The following GLO1 variants were observed in gnomAD, a reference collection of about 807,000 sequenced individuals.
GLO1 encodes glyoxalase I, also known as lactoylglutathione lyase.
GLO1 carries 28 observed loss-of-function variants against 26.0 expected under a neutral mutation model. That is an observed-to-expected ratio of 1.08 (90% CI 0.80 to 1.48). The LOEUF is 1.48. Among genes scored for constraint, GLO1 ranks in the 40% most tolerant of loss-of-function variants. The pLI is 0.00. For synonymous variants in GLO1, 78 were observed against 77.6 expected, an observed-to-expected ratio of 1.00 and a Z score of -0.03; for missense variants, 225 against 224.8, an observed-to-expected ratio of 1.00 and a Z score of -0.01.
At chr6:38,685,706 A>G (rs1294898283) in intron 2 of GLO1, among the ~76,000 whole-genome samples, 4 of 152,218 alleles carry the variant, frequency 2.6e-5, no homozygotes, top group African/African-American at 9.6e-5. Flanking sequence ...TGCACCTACT[A>G]AAGCAGACTA....
At chr6:38,686,170 C>T (rs1761457696) in intron 2 of GLO1, among the ~76,000 whole-genome samples, 1 of 152,118 alleles carries the variant, frequency 6.6e-6, no homozygotes, top group Non-Finnish European at 1.5e-5. Flanking sequence ...GAAGCTATTA[C>T]TTTTCATTTT....
At chr6:38,677,442 T>G (rs553001593) in intron 5 of GLO1, 59 bp from the exon 6 acceptor site, 165 of 806,408 alleles carry the variant, frequency 2.0e-4, no homozygotes, top group Middle Eastern at 7.7e-4. Flanking sequence ...CATAAAAATG[T>G]TTTTCTTTCT....
At chr6:38,690,813 A>G (rs1761518899) in intron 1 of GLO1, among the ~76,000 whole-genome samples, 1 of 152,236 alleles carries the variant, frequency 6.6e-6, no homozygotes, top group Non-Finnish European at 1.5e-5. Flanking sequence ...TGTTAAATGG[A>G]TATAAAAACA....
At chr6:38,693,133 C>T (rs1761555146) in intron 1 of GLO1, among the ~76,000 whole-genome samples, 1 of 152,066 alleles carries the variant, frequency 6.6e-6, no homozygotes, top group Non-Finnish European at 1.5e-5. Flanking sequence ...TGGCAGAATT[C>T]TCCAGTGAAA....
At chr6:38,685,791 A>T (rs1262152241) in intron 2 of GLO1, among the ~76,000 whole-genome samples, 1 of 152,218 alleles carries the variant, frequency 6.6e-6, no homozygotes, top group Non-Finnish European at 1.5e-5. Context: ...CAGCTGTTCA[A>T]ATCTTCCAGC....
chr6:38,693,706 T>TATATATA (rs57910685), intron 1 of GLO1, among the ~76,000 whole-genome samples: 2 of 147,518 alleles, frequency 1.4e-5, no homozygotes, highest in East Asian at 2.0e-4. Flanking sequence ...TATATATATA[T>TATATATA]TTGTTTTGTT....
intron 1 of GLO1, among the ~76,000 whole-genome samples, chr6:38,699,870 C>T (rs934160682): frequency 2.0e-5 from 3 of 152,090 alleles, no homozygotes; most frequent in Non-Finnish European, 4.4e-5. Flanking sequence ...CTGCTTTTGC[C>T]CTTTGCCTTG....
chr6:38,679,352 CAATG>C (rs1164273728), intron 5 of GLO1, among the ~76,000 whole-genome samples: 2 of 151,930 alleles, frequency 1.3e-5, no homozygotes, highest in African/African-American at 4.8e-5. Flanking sequence ...GGCTGGAATG[CAATG>C]GCACAATCAT....
Position 38,677,369 on chromosome 6 carries a change from G to A in GLO1, c.481C>T (p.Leu161=), listed in dbSNP as rs762483812. 16 of 1,510,376 alleles carry A rather than the reference G, an allele frequency of 1.1e-5. No homozygotes were observed. In the South Asian group the frequency reaches 1.8e-4, roughly 17 times the overall value. 93.6% of individuals were successfully genotyped at this position (1,510,376 alleles called of 1,614,324 possible). ...CCATCAGGATCTTGAATAAATGCCA[G>A]GCCTTTCATTTTACCTGTAAAATGA... ...KKPDDGKMKG[L]AFIQDPDGYW... is the part of the protein sequence containing the mutation. The change falls in exon 6 of 6, where the codon CTG becomes TTG. Residue 161 remains leucine (L), a synonymous_variant. Coordinates refer to ENST00000373365, the MANE Select transcript of GLO1 (RefSeq NM_006708.3).
chr6:38,685,273 G>A (rs979293228), intron 2 of GLO1, among the ~76,000 whole-genome samples: 1 of 152,150 alleles, frequency 6.6e-6, no homozygotes. Context: ...GAACAAAGAA[G>A]ACTTACGCTT....
intron 5 of GLO1, among the ~76,000 whole-genome samples, chr6:38,681,351 C>A (rs959113516): frequency 6.6e-6 from 1 of 152,140 alleles, no homozygotes; most frequent in Non-Finnish European, 1.5e-5. Context: ...TGTGAGCCAC[C>A]ACGCCCAGCA....
intron 1 of GLO1, among the ~76,000 whole-genome samples, chr6:38,691,555 C>T (rs989004852): frequency 3.3e-5 from 5 of 152,124 alleles, no homozygotes; most frequent in Admixed American, 3.3e-4. Context: ...GGTCCACCCG[C>T]CTTGACCTCC....
chr6:38,686,788 TTC>T, intron 2 of GLO1, 102 bp downstream of exon 2: 1 of 662,038 alleles, frequency 1.5e-6, no homozygotes, highest in Non-Finnish European at 2.6e-6. Flanking sequence ...CCAAAAGAAC[TTC>T]TGTTACTTCT....
In GLO1 at chr6:38,677,066, A is replaced by G. The variant is rs201683245; in HGVS notation, c.*229T>C. The G allele has an allele frequency of 7.9e-5, 40 of 506,292 alleles. No homozygotes were observed. In the East Asian group the frequency reaches 1.4e-3, roughly 17 times the overall value. The allele number at this position is 506,292 out of a possible 1,614,324, so 31.4% of individuals were successfully genotyped here. On this transcript the variant is annotated 3_prime_UTR_variant, in exon 6 of 6. Coordinates refer to ENST00000373365, the MANE Select transcript of GLO1 (RefSeq NM_006708.3). ...AACTGTTCTAATTATTACCTAAAAA[A>G]TAAAGTTACACAACTATATTCAAGG...
chr6:38,677,370 G>C lies in GLO1; in HGVS notation c.480C>G (p.Gly160=). ...CATCAGGATCTTGAATAAATGCCAG[G>C]CCTTTCATTTTACCTGTAAAATGAA... ...VKKPDDGKMK[G]LAFIQDPDGY... The change falls in exon 6 of 6, where the codon GGC becomes GGG. Residue 160 remains glycine, a synonymous_variant. Transcript: ENST00000373365. The C allele has an allele frequency of 6.7e-7, 1 of 1,503,352 alleles. No individual in the cohort carries two copies. The highest frequency in any genetic ancestry group is 9.3e-7 in the Non-Finnish European group (1 of 1,080,748). 93.1% of individuals were successfully genotyped at this position (1,503,352 alleles called of 1,614,324 possible).
At chr6:38,683,058 A>G (rs1345883098) in intron 3 of GLO1, 183 bp from the exon 4 acceptor site, 1 of 565,406 alleles carries the variant, frequency 1.8e-6, no homozygotes, top group Non-Finnish European at 3.2e-6. Context: ...GATTTTAACG[A>G]GACTAAAGAG....
chr6:38,689,671 G>C (rs1167969210), intron 1 of GLO1, among the ~76,000 whole-genome samples: 1 of 152,078 alleles, frequency 6.6e-6, no homozygotes, highest in East Asian at 1.9e-4. Context: ...TCTTGGCCAG[G>C]TGCAGTGGCT....
rs746525928 is a variant in GLO1, at chr6:38,682,917, T to C, written c.309-42A>G. ...AACATAGCTACAATGTCCTAGGGAATAGATATTCTGAAAAGCAAGTAACAT... is the reference window on the plus strand; with the variant it reads ...AACATAGCTACAATGTCCTAGGGAACAGATATTCTGAAAAGCAAGTAACAT... On this transcript the variant is annotated intron_variant, in intron 3 of 5. Coordinates refer to ENST00000373365, the MANE Select transcript of GLO1 (RefSeq NM_006708.3). 7.1e-6 allele frequency: 8 copies of C among 1,127,258 alleles called. No individual in the cohort carries two copies. In the Admixed American group the frequency reaches 1.2e-4, roughly 17 times the overall value. The allele number at this position is 1,127,258 out of a possible 1,614,324, so 69.8% of individuals were successfully genotyped here. A position where few individuals can be genotyped will look rare whatever the true frequency, so the allele number is the denominator to read the frequency against.
chr6:38,698,104 A>G lies in GLO1; in HGVS notation c.84+4867T>C, dbSNP rs1761638096. On this transcript the variant is annotated intron_variant, in intron 1 of 5. Transcript: ENST00000373365. Reference sequence around the variant, plus strand: ...TTTCTATTTCATACCCTTATCACTTAAATAGCAACCATTACAGGGTGAGAA... The same window carrying G: ...TTTCTATTTCATACCCTTATCACTTGAATAGCAACCATTACAGGGTGAGAA... Among the ~76,000 whole-genome samples the G allele has an allele frequency of 3.3e-5, 5 of 152,286 alleles. No homozygotes were observed. In the South Asian group the frequency reaches 1.0e-3, roughly 32 times the overall value.
Sources: gnomAD v4.1 joint callset for allele counts (sites outside exome capture counted in the v4.1 genomes callset) on GRCh38, gnomAD v4.1.1 for gene constraint, MANE v1.5 for transcripts, NCBI Gene and HGNC (gene_info 2026-07-23, HGNC 2026-07-21) for gene names.